CALN1: variants seen among roughly 807,000 people sequenced by gnomAD.
The protein encoded by CALN1 is calneuron 1.
Under a neutral mutation model 30.6 loss-of-function variants are expected in CALN1, and 17 were observed. The ratio of observed to expected loss-of-function variants is 0.56; its 90% confidence interval spans 0.38 to 0.83. The LOEUF is 0.83. Among genes scored for constraint, CALN1 ranks in the 40% least tolerant of loss-of-function variants. The pLI is 0.00. For missense variants in CALN1, 291 were observed against 354.9 expected (o/e 0.82, Z 1.45); for synonymous variants, 156 against 131.4 (o/e 1.19, Z -1.28).
intron 3 of CALN1, among the ~76,000 whole-genome samples, chr7:72,145,881 TC>T (rs1786675994): frequency 6.6e-6 from 1 of 152,218 alleles, no homozygotes; most frequent in South Asian, 2.1e-4. Context: ...CACATGATTA[TC>T]TCAATAGATG....
chr7:72,323,833 C>T (rs1801076196), intron 2 of CALN1, among the ~76,000 whole-genome samples: 1 of 151,908 alleles, frequency 6.6e-6, no homozygotes, highest in African/African-American at 2.4e-5. Flanking sequence ...TGCTTGAGTC[C>T]AAGATTTTGA....
chr7:72,406,936 A>C (rs1455950525), intron 1 of CALN1, among the ~76,000 whole-genome samples: 1 of 152,052 alleles, frequency 6.6e-6, no homozygotes. Flanking sequence ...TTTCATTCCA[A>C]TAGGTGACCT....
At chr7:72,218,968 A>T (rs1793062719) in intron 3 of CALN1, among the ~76,000 whole-genome samples, 1 of 152,212 alleles carries the variant, frequency 6.6e-6, no homozygotes, top group Non-Finnish European at 1.5e-5. Flanking sequence ...CCCAAGAGCG[A>T]CAGAGTGCAG....
At chr7:71,875,362 C>T (rs1410785417) in intron 5 of CALN1, among the ~76,000 whole-genome samples, 3 of 152,058 alleles carry the variant, frequency 2.0e-5, no homozygotes, top group Admixed American at 2.0e-4. Context: ...TACAGGGAAA[C>T]CTGGATTTCT....
chr7:71,921,786 CTT>C (rs1325091636), intron 5 of CALN1, among the ~76,000 whole-genome samples: 1 of 152,128 alleles, frequency 6.6e-6, no homozygotes, highest in Admixed American at 6.5e-5. Flanking sequence ...GTCCTTGGTC[CTT>C]GGCTTTGAAA....
chr7:72,359,641 C>T (rs1351282353), intron 2 of CALN1, among the ~76,000 whole-genome samples: 1 of 152,014 alleles, frequency 6.6e-6, no homozygotes, highest in Non-Finnish European at 1.5e-5. Flanking sequence ...ATGAGAAAAC[C>T]TCATACAAAC....
chr7:71,948,740 A>T (rs1379067800), intron 5 of CALN1, among the ~76,000 whole-genome samples: 1 of 144,044 alleles, frequency 6.9e-6, no homozygotes, highest in Admixed American at 7.3e-5. Flanking sequence ...CAAAAAAAAA[A>T]AAAATAATAA....
intron 2 of CALN1, among the ~76,000 whole-genome samples, chr7:72,398,239 C>T (rs1290897015): frequency 6.6e-6 from 1 of 152,154 alleles, no homozygotes; most frequent in Non-Finnish European, 1.5e-5. Context: ...CAGGACCTTC[C>T]GTCACAAGGA....
chr7:72,063,315 T>G (rs963784258), intron 4 of CALN1, among the ~76,000 whole-genome samples: 1 of 152,218 alleles, frequency 6.6e-6, no homozygotes, highest in African/African-American at 2.4e-5. Context: ...GAAGCCAGTT[T>G]CAACATCTGC....
intron 5 of CALN1, among the ~76,000 whole-genome samples, chr7:72,009,914 C>A (rs1201367360): frequency 6.6e-6 from 1 of 152,120 alleles, no homozygotes; most frequent in Non-Finnish European, 1.5e-5. Context: ...TTATCAGCAG[C>A]ATGAAAACAG....
chr7:71,959,654 G>A (rs938790641), intron 5 of CALN1, among the ~76,000 whole-genome samples: 3 of 150,216 alleles, frequency 2.0e-5, no homozygotes, highest in African/African-American at 7.4e-5. Context: ...GGAAGGGTAT[G>A]TGTGGTGGAT....
intron 2 of CALN1, among the ~76,000 whole-genome samples, chr7:72,328,803 C>T (rs911722264): frequency 1.3e-5 from 2 of 152,232 alleles, no homozygotes; most frequent in South Asian, 2.1e-4. Context: ...TCAAGCAATT[C>T]TCCTGCCTCA....
chr7:72,502,684 C>T, the CALN1 span, among the ~76,000 whole-genome samples: 1 of 152,068 alleles, frequency 6.6e-6, no homozygotes, highest in African/African-American at 2.4e-5. Context: ...TATCCCTTCC[C>T]TCATCTTCCC....
At chr7:72,373,790 G>GT (rs1034769660) in intron 2 of CALN1, among the ~76,000 whole-genome samples, 54 of 152,276 alleles carry the variant, frequency 3.5e-4, no homozygotes, top group African/African-American at 1.2e-3. Flanking sequence ...CAGAAACAGA[G>GT]TAAGTCCCAA....
intron 2 of CALN1, among the ~76,000 whole-genome samples, chr7:72,342,042 G>T (rs1378236839): frequency 6.6e-6 from 1 of 151,952 alleles, no homozygotes; most frequent in African/African-American, 2.4e-5. Context: ...ACTGGAGGTT[G>T]GGAATTTGAG....
intron 3 of CALN1, among the ~76,000 whole-genome samples, chr7:72,198,478 T>C (rs1219012969): frequency 6.6e-6 from 1 of 152,158 alleles, no homozygotes; most frequent in Non-Finnish European, 1.5e-5. Context: ...CAAGTAAGGA[T>C]CACTTTGTCC....
At chr7:72,345,034 G>A (rs1446853018) in intron 2 of CALN1, among the ~76,000 whole-genome samples, 2 of 147,108 alleles carry the variant, frequency 1.4e-5, no homozygotes, top group Admixed American at 6.8e-5. Context: ...AATGGCACAT[G>A]TTATATATTA....
intron 2 of CALN1, among the ~76,000 whole-genome samples, chr7:72,381,022 T>C (rs1337589895): frequency 6.6e-6 from 1 of 151,936 alleles, no homozygotes; most frequent in Non-Finnish European, 1.5e-5. Context: ...AGCAGCTGAA[T>C]AAAAATGTAC....
intron 4 of CALN1, among the ~76,000 whole-genome samples, chr7:72,083,206 A>T (rs1805266192): frequency 6.6e-6 from 1 of 152,192 alleles, no homozygotes; most frequent in Non-Finnish European, 1.5e-5. Context: ...GTCTCAAAAA[A>T]AGATGCAAGA....
Sources: allele counts gnomAD v4.1 joint callset (sites outside exome capture counted in the v4.1 genomes callset), GRCh38; gene constraint gnomAD v4.1.1; transcripts MANE v1.5; gene names NCBI Gene and HGNC (gene_info 2026-07-23, HGNC 2026-07-21).